Variants in GRID2 observed in about 807,000 individuals in gnomAD.
GRID2 encodes glutamate receptor ionotropic, delta-2.
In GRID2, 33 loss-of-function variants were observed where a neutral mutation model predicts 114.8. The observed-to-expected ratio is 0.29, with a 90% confidence interval of 0.22 to 0.38. The LOEUF (loss-of-function observed/expected upper bound fraction) is 0.38, where lower values mean the gene tolerates loss of function less well. Ranked by LOEUF, GRID2 falls within the 10% of genes least tolerant of loss-of-function variation. GRID2 has a pLI of 1.00. For missense variants in GRID2, 1,184 were observed against 1,257.7 expected (o/e 0.94, Z 0.89); for synonymous variants, 505 against 449.9 (o/e 1.12, Z -1.55).
intron 4 of GRID2, among the ~76,000 whole-genome samples, chr4:93,138,796 C>G (rs1490635541): frequency 3.3e-5 from 5 of 152,164 alleles, no homozygotes; most frequent in Admixed American, 3.3e-4. Flanking sequence ...AGTCTAACTT[C>G]CCTTCAAAAC....
In GRID2 at chr4:93,360,391, G is replaced by A. The variant is rs144853086; in HGVS notation, c.1246-35216G>A. Among the ~76,000 whole-genome samples the A allele has an allele frequency of 2.5e-3, 377 of 151,962 alleles. 2 individuals are homozygous for A. Among genetic ancestry groups the A allele is most frequent in the African/African-American group, 8.4e-3 (349 of 41,518 alleles). ...TTTTAATTTTGTTGTGCTCAATAAT[G>A]ATATTTTTAATTACTTGAATATTTC... On this transcript the variant is annotated intron_variant, in intron 8 of 15. Coordinates refer to ENST00000282020, the MANE Select transcript of GRID2 (RefSeq NM_001510.4).
chr4:92,325,260 A>G (rs1726533987), intron 1 of GRID2, among the ~76,000 whole-genome samples: 1 of 151,832 alleles, frequency 6.6e-6, no homozygotes, highest in Non-Finnish European at 1.5e-5. Flanking sequence ...TAGTGTTTTT[A>G]TATGTAAAAT....
chr4:93,354,022 T>C (rs1359182030), intron 8 of GRID2, among the ~76,000 whole-genome samples: 1 of 150,162 alleles, frequency 6.7e-6, no homozygotes, highest in Non-Finnish European at 1.5e-5. Flanking sequence ...AGCACACACA[T>C]GCACACACAC....
At chr4:92,794,568 T>C (rs1002589808) in intron 2 of GRID2, among the ~76,000 whole-genome samples, 1 of 151,852 alleles carries the variant, frequency 6.6e-6, no homozygotes, top group Non-Finnish European at 1.5e-5. Flanking sequence ...ATAGTGAAAC[T>C]AATTGACTCC....
chr4:92,312,888 A>G (rs1725777657), intron 1 of GRID2, among the ~76,000 whole-genome samples: 1 of 152,128 alleles, frequency 6.6e-6, no homozygotes, highest in African/African-American at 2.4e-5. Context: ...GAGATTTCTT[A>G]AAGAACTAAA....
intron 8 of GRID2, among the ~76,000 whole-genome samples, chr4:93,250,491 TA>T (rs1034046214): frequency 4.0e-5 from 6 of 150,574 alleles, no homozygotes; most frequent in Admixed American, 1.3e-4. Context: ...ACTTAAAGCA[TA>T]AAAAAAATAA....
chr4:92,609,446 A>C (rs1293808370), intron 2 of GRID2, among the ~76,000 whole-genome samples: 3 of 151,446 alleles, frequency 2.0e-5, no homozygotes, highest in Non-Finnish European at 4.4e-5. Flanking sequence ...AAAAAAAATG[A>C]AGTAGCATAC....
chr4:93,768,752 T>G (rs926202904), intron 14 of GRID2, among the ~76,000 whole-genome samples: 1 of 152,224 alleles, frequency 6.6e-6, no homozygotes, highest in Non-Finnish European at 1.5e-5. Flanking sequence ...GCCAGCATCT[T>G]GCTCTAAGCA....
intron 8 of GRID2, among the ~76,000 whole-genome samples, chr4:93,258,031 A>T (rs1749816986): frequency 6.7e-6 from 1 of 148,912 alleles, no homozygotes; most frequent in Non-Finnish European, 1.5e-5. Flanking sequence ...CACACACAAT[A>T]CTGGTAATAC....
At chr4:93,440,708 C>G (rs34053072) in intron 10 of GRID2, among the ~76,000 whole-genome samples, 1 of 151,974 alleles carries the variant, frequency 6.6e-6, no homozygotes. Context: ...AAAAGGATAA[C>G]GAGAGATCTG....
At chr4:92,737,368 G>T (rs968576056) in intron 2 of GRID2, among the ~76,000 whole-genome samples, 1 of 151,504 alleles carries the variant, frequency 6.6e-6, no homozygotes, top group Non-Finnish European at 1.5e-5. Context: ...TTGTCAGATA[G>T]AAGAGTCTGC....
At chr4:92,352,460 G>T (rs1435647593) in intron 1 of GRID2, among the ~76,000 whole-genome samples, 5 of 151,604 alleles carry the variant, frequency 3.3e-5, no homozygotes, top group African/African-American at 1.2e-4. Context: ...TTCCCATTCT[G>T]CAGGTGGTCC....
chr4:92,929,586 TA>T (rs1276176934), intron 2 of GRID2, among the ~76,000 whole-genome samples: 1 of 151,404 alleles, frequency 6.6e-6, no homozygotes, highest in African/African-American at 2.4e-5. Flanking sequence ...ACTTGTGAAC[TA>T]AATGAGCATG....
chr4:93,214,850 T>C (rs1186719240), intron 5 of GRID2, among the ~76,000 whole-genome samples: 1 of 151,994 alleles, frequency 6.6e-6, no homozygotes, highest in Non-Finnish European at 1.5e-5. Flanking sequence ...ATCTTTACAG[T>C]TTTAATTTCT....
At chr4:93,103,990 G>A (rs1731955589) in intron 3 of GRID2, among the ~76,000 whole-genome samples, 1 of 150,734 alleles carries the variant, frequency 6.6e-6, no homozygotes, top group Non-Finnish European at 1.5e-5. Context: ...TGGGTATATT[G>A]CACCCAGGAA....
Position 92,870,732 on chromosome 4 carries a change from A to G in GRID2, c.245-214263A>G, listed in dbSNP as rs144813796. Reference sequence around the variant, plus strand: ...GAAATTGTTGTATGCATTACATGTGATAAAAGAAAAAAATAGCACTACCAA... The same window carrying G: ...GAAATTGTTGTATGCATTACATGTGGTAAAAGAAAAAAATAGCACTACCAA... On this transcript the variant is annotated intron_variant, in intron 2 of 15. Transcript: ENST00000282020. Among the ~76,000 whole-genome samples the G allele has an allele frequency of 3.1e-3, 466 of 152,292 alleles. 3 individuals carry two copies. The highest frequency in any genetic ancestry group is 4.6e-3 in the Non-Finnish European group (310 of 68,018).
intron 2 of GRID2, among the ~76,000 whole-genome samples, chr4:92,949,711 G>A (rs550405559): frequency 6.6e-6 from 1 of 151,932 alleles, no homozygotes; most frequent in East Asian, 1.9e-4. Flanking sequence ...ATATCTCAGT[G>A]TAGGAAGGTG....
At chr4:93,301,892 T>A (rs1754908189) in intron 8 of GRID2, among the ~76,000 whole-genome samples, 1 of 152,088 alleles carries the variant, frequency 6.6e-6, no homozygotes, top group Admixed American at 6.6e-5. Context: ...AAAATAAAAA[T>A]AAAACTCAGG....
At chr4:93,077,627 G>A (rs568332819) in intron 2 of GRID2, among the ~76,000 whole-genome samples, 1 of 152,188 alleles carries the variant, frequency 6.6e-6, no homozygotes, top group East Asian at 1.9e-4. Flanking sequence ...CTCTTTGCTT[G>A]TTATGTTTAT....
Sources: allele counts gnomAD v4.1 joint callset (sites outside exome capture counted in the v4.1 genomes callset), GRCh38; gene constraint gnomAD v4.1.1; transcripts MANE v1.5; gene names NCBI Gene and HGNC (gene_info 2026-07-23, HGNC 2026-07-21).